ROBO1: variants seen among roughly 807,000 people sequenced by gnomAD.
The protein encoded by ROBO1 is roundabout guidance receptor 1, also known as roundabout homolog 1.
Under a neutral mutation model 195.9 loss-of-function variants are expected in ROBO1, and 149 were observed. The observed-to-expected ratio is 0.76, with a 90% CI of 0.67 to 0.87. ROBO1 has a LOEUF of 0.87. ROBO1 is among the 40% of genes least tolerant of loss of function. ROBO1 has a pLI of 0.00. For synonymous variants in ROBO1, 816 were observed against 733.2 expected (o/e 1.11, Z -1.82); for missense variants, 1,933 against 2,068.3 (o/e 0.93, Z 1.27).
chr3:79,704,664 C>T (rs1245904763), intron 1 of ROBO1, among the ~76,000 whole-genome samples: 1 of 151,934 alleles, frequency 6.6e-6, no homozygotes, highest in Non-Finnish European at 1.5e-5. Context: ...CAGAATTTTG[C>T]ATGAAAATGA....
At chr3:78,822,167 A>T (rs1039630539) in intron 4 of ROBO1, among the ~76,000 whole-genome samples, 3 of 152,070 alleles carry the variant, frequency 2.0e-5, no homozygotes, top group Non-Finnish European at 4.4e-5. Context: ...GCTAATTCAC[A>T]GGAACCTATA....
At chr3:79,497,635 G>T (rs1277200231) in intron 2 of ROBO1, among the ~76,000 whole-genome samples, 1 of 152,092 alleles carries the variant, frequency 6.6e-6, no homozygotes, top group African/African-American at 2.4e-5. Context: ...ATTAAAATTT[G>T]ATTATCCCCC....
At chr3:79,238,626 C>T (rs897360004) in intron 2 of ROBO1, among the ~76,000 whole-genome samples, 1 of 152,158 alleles carries the variant, frequency 6.6e-6, no homozygotes, top group African/African-American at 2.4e-5. Flanking sequence ...AGATGAAGAG[C>T]TCAGCTAACT....
chr3:79,580,478 T>C (rs761175283), intron 2 of ROBO1, among the ~76,000 whole-genome samples: 1 of 151,968 alleles, frequency 6.6e-6, no homozygotes, highest in Non-Finnish European at 1.5e-5. Context: ...CGAGACTCTG[T>C]GTCAATAAAT....
intron 2 of ROBO1, among the ~76,000 whole-genome samples, chr3:79,158,182 T>C (rs1057255384): frequency 1.6e-4 from 24 of 151,852 alleles, no homozygotes; most frequent in African/African-American, 4.8e-4. Context: ...ATCTCACTGA[T>C]GCAATTTTCT....
At chr3:79,184,085 T>C (rs1216825904) in intron 2 of ROBO1, among the ~76,000 whole-genome samples, 1 of 152,300 alleles carries the variant, frequency 6.6e-6, no homozygotes, top group African/African-American at 2.4e-5. Context: ...TTTAATATTT[T>C]CTGGTCTTAC....
intron 1 of ROBO1, among the ~76,000 whole-genome samples, chr3:79,606,323 A>G (rs777097096): frequency 3.6e-4 from 54 of 152,000 alleles, no homozygotes; most frequent in Non-Finnish European, 6.5e-4. Context: ...AGTCTCTTTC[A>G]AGCAACGTGA....
At chr3:79,320,678 C>T (rs1398275531) in intron 2 of ROBO1, among the ~76,000 whole-genome samples, 1 of 152,042 alleles carries the variant, frequency 6.6e-6, no homozygotes, top group Non-Finnish European at 1.5e-5. Context: ...TCATTCAGTC[C>T]ATAAGAAATA....
intron 4 of ROBO1, among the ~76,000 whole-genome samples, chr3:78,934,345 C>G (rs868845707): frequency 6.6e-6 from 1 of 151,728 alleles, no homozygotes; most frequent in Admixed American, 6.6e-5. Context: ...AAAATTGAAA[C>G]TAAACCACCC....
At chr3:79,398,619 A>G (rs760515354) in intron 2 of ROBO1, among the ~76,000 whole-genome samples, 1 of 152,144 alleles carries the variant, frequency 6.6e-6, no homozygotes, top group Non-Finnish European at 1.5e-5. Context: ...TTTTGCCTAC[A>G]TGAATTCTCA....
chr3:78,940,549 C>T lies in ROBO1; in HGVS notation c.173-1622G>A, dbSNP rs537693695. On this transcript the variant is annotated intron_variant, in intron 3 of 30. Transcript: ENST00000464233. The stretch of plus-strand genomic sequence containing the variant: ...CTCTTAGCTCCACAAGTACCTTGCG[C>T]ATCCTCCTGCAACATGATTTATGCC... Among the ~76,000 whole-genome samples, 5 of 152,324 alleles carry T rather than the reference C, an allele frequency of 3.3e-5. No individual in the cohort carries two copies. The South Asian group carries it at 8.3e-4, about 25-fold the overall frequency.
chr3:78,789,980 A>C (rs1338030463), intron 4 of ROBO1, among the ~76,000 whole-genome samples: 2 of 152,220 alleles, frequency 1.3e-5, no homozygotes, highest in Non-Finnish European at 2.9e-5. Flanking sequence ...CGAGGCATGC[A>C]AACTTACAGC....
At chr3:79,745,562 A>G (rs1703837426) in intron 1 of ROBO1, among the ~76,000 whole-genome samples, 1 of 152,182 alleles carries the variant, frequency 6.6e-6, no homozygotes, top group Non-Finnish European at 1.5e-5. Context: ...AAGCCTGCCT[A>G]TGCTTCTTAC....
chr3:78,634,624 C>A, intron 23 of ROBO1: 2 of 192,806 alleles, frequency 1.0e-5, no homozygotes, highest in Non-Finnish European at 1.2e-5. Flanking sequence ...CACAGTAAAA[C>A]AATATACTAT....
chr3:79,756,210 A>T (rs73849831), intron 1 of ROBO1, among the ~76,000 whole-genome samples: 5,628 of 152,216 alleles, frequency 0.037, 357 homozygotes, highest in African/African-American at 0.13. Flanking sequence ...CTATGGTGCT[A>T]TCTTTAAAAT....
chr3:79,007,377 C>T (rs199764690), intron 3 of ROBO1, among the ~76,000 whole-genome samples: 3 of 152,004 alleles, frequency 2.0e-5, no homozygotes, highest in Admixed American at 6.5e-5. Flanking sequence ...GAATAAAGAC[C>T]GTGCTCAGGG....
At chr3:79,656,203 C>A (rs1946152971) in intron 1 of ROBO1, among the ~76,000 whole-genome samples, 2 of 150,626 alleles carry the variant, frequency 1.3e-5, no homozygotes, top group South Asian at 4.2e-4. Flanking sequence ...TCTCTTAGGT[C>A]AACGGTTTCT....
chr3:79,166,560 C>CTTTTTTTTTTTTTT (rs968334923), intron 2 of ROBO1, among the ~76,000 whole-genome samples: 12 of 135,102 alleles, frequency 8.9e-5, no homozygotes, highest in African/African-American at 1.7e-4. Flanking sequence ...TTCTATTTTT[C>CTTTTTTTTTTTTTT]TTTTTTTTTT....
At chr3:78,760,848 C>T (rs961770352) in intron 4 of ROBO1, among the ~76,000 whole-genome samples, 4 of 151,986 alleles carry the variant, frequency 2.6e-5, no homozygotes, top group East Asian at 1.9e-4. Context: ...AACTTTGTTG[C>T]GTGGGTTAGT....
Sources: gnomAD v4.1 joint callset for allele counts (sites outside exome capture counted in the v4.1 genomes callset) on GRCh38, gnomAD v4.1.1 for gene constraint, MANE v1.5 for transcripts, NCBI Gene and HGNC (gene_info 2026-07-23, HGNC 2026-07-21) for gene names.